Variants in RBM44 observed in about 807,000 individuals in gnomAD.
The protein encoded by RBM44 is RNA binding motif protein 44, also known as RNA-binding protein 44.
A neutral mutation model predicts 105.1 loss-of-function variants in RBM44; 66 were observed. That is an observed-to-expected ratio of 0.63 (90% CI 0.52 to 0.77). The LOEUF (loss-of-function observed/expected upper bound fraction) is 0.77, where lower values mean the gene tolerates loss of function less well. RBM44 is among the 30% of genes least tolerant of loss of function. The pLI, the probability that RBM44 is intolerant of heterozygous loss-of-function variation, is 0.00. For missense variants in RBM44, 1,122 were observed against 1,207.8 expected (o/e 0.93, Z 1.05); for synonymous variants, 365 against 417.6 (o/e 0.87, Z 1.54).
chr2:237,799,081 G>C (rs988008801), intron 1 of RBM44: 3 of 152,094 alleles, frequency 2.0e-5, no homozygotes, highest in Non-Finnish European at 4.4e-5. Flanking sequence ...CTGGAGTTCC[G>C]GCGCCCTCAT....
chr2:237,817,299 C>A lies in RBM44; in HGVS notation c.380C>A (p.Thr127Asn). 6.2e-7 allele frequency: 1 copy of A among 1,606,108 alleles called. No individual in the cohort carries two copies. Among genetic ancestry groups the A allele is most frequent in the Non-Finnish European group, 8.5e-7 (1 of 1,175,958 alleles). ...TCAAAACTAAAGAAGGAAAGTCTTA[C>A]TCCTTTAAGTTCAGAATTAGATCCT... is the stretch of plus-strand genomic sequence containing the variant. ...SESKLKKESL[T>N]PLSSELDPEV... The change falls in exon 3 of 16, where the codon ACT becomes AAT. Residue 127 changes from threonine (T) to asparagine (N), a missense_variant. Physicochemically the swap from Thr to Asn is moderately conservative, Grantham distance 65 (BLOSUM62 0). This residue lies in a region of RBM44 where 918 missense variants were observed against 955.3 expected (regional missense o/e 0.96). Transcript: ENST00000316997.
intron 2 of RBM44, among the ~76,000 whole-genome samples, chr2:237,814,072 T>C (rs914985256): frequency 6.6e-6 from 1 of 152,012 alleles, no homozygotes; most frequent in African/African-American, 2.4e-5. Flanking sequence ...AGCAAGAAAA[T>C]AAGAAATAGC....
chr2:237,821,235 T>C lies in RBM44; in HGVS notation c.2078T>C (p.Phe693Ser). ...LSLESKLLST[F>S]STFASRLMKK... Reference sequence around the variant, plus strand: ...CTAGAATCAAAATTATTATCTACCTTCTCTACTTTTGCTTCCAGGGTATGT... The same window carrying C: ...CTAGAATCAAAATTATTATCTACCTCCTCTACTTTTGCTTCCAGGGTATGT... The change falls in exon 6 of 16, where the codon TTC becomes TCC. Residue 693 changes from phenylalanine (F) to serine (S), a missense_variant. Transcript: ENST00000316997. 6.2e-7 allele frequency: 1 copy of C among 1,602,370 alleles called. No homozygotes were observed. Among genetic ancestry groups the C allele is most frequent in the Non-Finnish European group, 8.5e-7 (1 of 1,173,918 alleles).
chr2:237,805,845 G>T (rs1030692285), intron 1 of RBM44, among the ~76,000 whole-genome samples: 1 of 152,086 alleles, frequency 6.6e-6, no homozygotes, highest in African/African-American at 2.4e-5. Context: ...TACACCTGTA[G>T]TCCCAGCTAC....
chr2:237,829,529 A>G (rs1026113407), intron 13 of RBM44, 27 bp downstream of exon 13: 1 of 1,584,636 alleles, frequency 6.3e-7, no homozygotes, highest in Non-Finnish European at 8.6e-7. Context: ...GATCCCTTAA[A>G]TGGTCTTTGT....
intron 5 of RBM44, 180 bp from the exon 6 acceptor site, chr2:237,820,891 A>C: frequency 2.0e-6 from 1 of 505,410 alleles, no homozygotes. Flanking sequence ...TCTACAATAC[A>C]TTTTTTTACA....
chr2:237,804,997 G>A (rs1454353317), intron 1 of RBM44, among the ~76,000 whole-genome samples: 1 of 152,176 alleles, frequency 6.6e-6, no homozygotes, highest in Non-Finnish European at 1.5e-5. Flanking sequence ...CCTCGCCAGA[G>A]CAATCGAGCA....
Position 237,817,301 on chromosome 2 carries a change from C to T in RBM44, c.382C>T (p.Pro128Ser), listed in dbSNP as rs749193343. ...AAAACTAAAGAAGGAAAGTCTTACT[C>T]CTTTAAGTTCAGAATTAGATCCTGA... The part of the protein sequence containing the change: ...ESKLKKESLT[P>S]LSSELDPEVQ... The change falls in exon 3 of 16, where the codon CCT becomes TCT. Residue 128 changes from proline (P) to serine (S), a missense_variant. Transcript: ENST00000316997. 6.2e-7 allele frequency: 1 copy of T among 1,604,436 alleles called. No individual in the cohort carries two copies. Among genetic ancestry groups the T allele is most frequent in the Non-Finnish European group, 8.5e-7 (1 of 1,174,516 alleles).
rs966237734 is a variant in RBM44 at position 237,815,855 on chromosome 2, T to G, written c.74-1138T>G. Among the ~76,000 whole-genome samples, 6 of 152,210 alleles carry G rather than the reference T, an allele frequency of 3.9e-5. No homozygotes were observed. The East Asian group carries it at 9.6e-4, about 24-fold the overall frequency. ...TTAGTCCCACCTCTGTTTTGGTACC[T>G]GCCTTTTTTCTCCTCTTTCAAGTTT... On this transcript the variant is annotated intron_variant, in intron 2 of 15. Transcript: ENST00000316997.
intron 8 of RBM44, among the ~76,000 whole-genome samples, chr2:237,823,063 C>A (rs952350398): frequency 6.6e-6 from 1 of 151,426 alleles, no homozygotes; most frequent in East Asian, 1.9e-4. Flanking sequence ...CATAAGCATA[C>A]GCTAAATTAA....
At position 237,842,784 on chromosome 2, in the gene RBM44, T is replaced by C. The variant is rs1399581145; in HGVS notation, c.*968T>C. On this transcript the variant is annotated 3_prime_UTR_variant, in exon 16 of 16. Coordinates refer to ENST00000316997, the MANE Select transcript of RBM44 (RefSeq NM_001080504.3). The stretch of plus-strand genomic sequence containing the variant: ...CGTTTATATTTGTTGTATTTATATT[T>C]AATAAAGGCATCTAATCTTTAGTAC... 1.3e-5 allele frequency: 2 copies of C among 152,134 alleles called. No homozygotes were observed. The highest frequency in any genetic ancestry group is 3.8e-4 in the East Asian group (2 of 5,208). The allele number at this position is 152,134 out of a possible 1,614,324, so 9.4% of individuals were successfully genotyped here.
At chr2:237,821,300 C>T in intron 6 of RBM44, 46 bp downstream of exon 6, 1 of 1,555,842 alleles carries the variant, frequency 6.4e-7, no homozygotes, top group Non-Finnish European at 8.7e-7. Flanking sequence ...TTCATTTAGA[C>T]AAAACATTTT....
intron 14 of RBM44, 26 bp from the exon 15 acceptor site, chr2:237,834,252 C>T: frequency 6.4e-7 from 1 of 1,550,940 alleles, no homozygotes; most frequent in South Asian, 1.2e-5. Context: ...AAGACAAATA[C>T]TCATGTATGT....
At chr2:237,806,423 T>C (rs2061599971) in intron 1 of RBM44, among the ~76,000 whole-genome samples, 1 of 152,222 alleles carries the variant, frequency 6.6e-6, no homozygotes, top group Non-Finnish European at 1.5e-5. Context: ...CTGCTTTTTC[T>C]AGTTTCTTAA....
chr2:237,835,270 A>G (rs944020740), intron 15 of RBM44, among the ~76,000 whole-genome samples: 1 of 152,132 alleles, frequency 6.6e-6, no homozygotes, highest in African/African-American at 2.4e-5. Context: ...TCCTTGAGAC[A>G]CTATATTGAA....
At chr2:237,813,926 C>A (rs1343965637) in intron 2 of RBM44, among the ~76,000 whole-genome samples, 2 of 152,124 alleles carry the variant, frequency 1.3e-5, no homozygotes, top group East Asian at 1.9e-4. Context: ...GTCCAGCCAG[C>A]CTTTCAAGAA....
intron 1 of RBM44, 110 bp from the exon 2 acceptor site, chr2:237,813,482 A>T (rs1001715340): frequency 1.0e-5 from 6 of 594,582 alleles, no homozygotes; most frequent in African/African-American, 5.7e-5. Context: ...TTGGTTTTTT[A>T]AAAAATGTTC....
chr2:237,806,867 G>A (rs2061603687), intron 1 of RBM44, among the ~76,000 whole-genome samples: 1 of 152,066 alleles, frequency 6.6e-6, no homozygotes, highest in South Asian at 2.1e-4. Flanking sequence ...TTGAAAATGG[G>A]TGGGGTGGGG....
chr2:237,840,515 T>G (rs1328657928), intron 15 of RBM44, among the ~76,000 whole-genome samples: 1 of 151,980 alleles, frequency 6.6e-6, no homozygotes, highest in South Asian at 2.1e-4. Flanking sequence ...ACAATTACAT[T>G]CTGGCCAAGA....
Sources: allele counts gnomAD v4.1 joint callset (sites outside exome capture counted in the v4.1 genomes callset), GRCh38; gene constraint gnomAD v4.1.1; regional missense constraint gnomAD v4.1.1; transcripts MANE v1.5; gene names NCBI Gene and HGNC (gene_info 2026-07-23, HGNC 2026-07-21).